Variants in SLC38A5 observed in about 807,000 individuals in gnomAD.
The protein encoded by SLC38A5 is solute carrier family 38 member 5.
Under a neutral mutation model 34.6 loss-of-function variants are expected in SLC38A5, and 9 were observed. The observed-to-expected ratio is 0.26, with a 90% CI of 0.16 to 0.45. The LOEUF is 0.45. Among genes scored for constraint, SLC38A5 ranks in the 20% least tolerant of loss-of-function variants. The pLI, the probability that SLC38A5 is intolerant of heterozygous loss-of-function variation, is 1.00. For synonymous variants in SLC38A5, 157 were observed against 155.6 expected (o/e 1.01, Z -0.07); for missense variants, 253 against 394.7 (o/e 0.64, Z 3.04).
chrX:48,460,917 G>C (rs2061429252), intron 13 of SLC38A5, 69 bp downstream of exon 13: 1 of 1,052,433 alleles, frequency 9.5e-7, no homozygotes, highest in Admixed American at 2.6e-5. Context: ...GGTCACAGAA[G>C]GAAAGAGCTC....
At chrX:48,464,591 T>C (rs146768959) in intron 8 of SLC38A5, among the ~76,000 whole-genome samples, 1,131 of 109,205 alleles carry the variant, frequency 0.01, 13 homozygotes, top group African/African-American at 0.036. Context: ...AGGTCAGGAG[T>C]TCAAGACCAG....
rs782265236 is a variant in SLC38A5, at chrX:48,466,019, C to T, written c.487G>A (p.Glu163Lys). 2 of 1,191,771 alleles carry T rather than the reference C, an allele frequency of 1.7e-6. No individual in the cohort carries two copies. Among genetic ancestry groups the T allele is most frequent in the Admixed American group, 2.3e-5 (1 of 44,400 alleles). Residue 163 changes from glutamate (E) to lysine (K), a missense_variant, in exon 8 of 17, where the codon GAG becomes AAG. Glu to Lys is a moderately conservative substitution (Grantham distance 56). Transcript: ENST00000620913. ...CAAGGGGTGTTGCTCACTCACCCCT[C>T]GGGGTCCATGTACAGGAAGGTGCCG... ...VIGTFLYMDPEGDWFLKGNLL... is the reference protein window; with the variant it reads ...VIGTFLYMDPKGDWFLKGNLL...
chrX:48,462,307 C>T lies in SLC38A5; in HGVS notation c.575-16G>A, dbSNP rs782426882. The T allele has an allele frequency of 5.8e-6, 7 of 1,201,088 alleles. No individual in the cohort carries two copies. In the East Asian group the frequency reaches 2.1e-4, roughly 36 times the overall value. Reference sequence around the variant, plus strand: ...CCCAGGTAGCCTAAGAGGGGCAAAACACAGAGTCTCAGAAATCAGCCAGGC... The same window carrying T: ...CCCAGGTAGCCTAAGAGGGGCAAAATACAGAGTCTCAGAAATCAGCCAGGC... On this transcript the variant is annotated splice_polypyrimidine_tract_variant and intron_variant, in intron 9 of 16. Transcript: ENST00000620913.
At position 48,458,658 on chromosome X, in the gene SLC38A5, G is replaced by GCGT; in HGVS notation, c.*274_*275insACG. 1.3e-6 allele frequency: 1 copy of GCGT among 792,677 alleles called. No homozygotes were observed. Among genetic ancestry groups the GCGT allele is most frequent in the Non-Finnish European group, 1.6e-6 (1 of 634,805 alleles). 65.3% of individuals were successfully genotyped at this position (792,677 alleles called of 1,213,427 possible). On this transcript the variant is annotated 3_prime_UTR_variant, in exon 17 of 17. Coordinates refer to ENST00000620913, the MANE Select transcript of SLC38A5 (RefSeq NM_033518.4). Reference sequence around the variant, plus strand: ...TGGGCAAAGGCTCCACCAGGACCTGGCCTCCTCCTCCTCCTCCTCCTCCTC... The same window carrying GCGT: ...TGGGCAAAGGCTCCACCAGGACCTGGCGTCCTCCTCCTCCTCCTCCTCCTCCTC...
intron 6 of SLC38A5, 91 bp from the exon 7 acceptor site, chrX:48,466,413 T>C: frequency 1.1e-6 from 1 of 927,053 alleles, no homozygotes. Flanking sequence ...GAGTTGGGGC[T>C]TGGGGGAACC....
At chrX:48,460,247 C>A in intron 14 of SLC38A5, among the ~76,000 whole-genome samples, 1 of 110,986 alleles carries the variant, frequency 9.0e-6, no homozygotes, top group East Asian at 2.8e-4. Flanking sequence ...CTACCTCCCT[C>A]CTCTGTCTAA....
chrX:48,468,257 C>T (rs1184235208), intron 2 of SLC38A5: 3 of 920,008 alleles, frequency 3.3e-6, no homozygotes, highest in Admixed American at 5.6e-5. Flanking sequence ...GCAGATGAGC[C>T]GACCACGTGG....
intron 4 of SLC38A5, 32 bp from the exon 5 acceptor site, chrX:48,467,109 T>A (rs782740423): frequency 8.8e-7 from 1 of 1,134,370 alleles, no homozygotes; most frequent in South Asian, 1.9e-5. Context: ...CGGGCACACA[T>A]TGGGACAGGG....
At chrX:48,469,084 C>T in intron 2 of SLC38A5, 1 of 737,892 alleles carries the variant, frequency 1.4e-6, no homozygotes, top group Non-Finnish European at 1.6e-6. Flanking sequence ...GTCCTGAATC[C>T]CGTTCCTGGG....
chrX:48,467,155 A>G (rs2061483612), intron 4 of SLC38A5, 78 bp from the exon 5 acceptor site: 1 of 856,262 alleles, frequency 1.2e-6, no homozygotes, highest in Non-Finnish European at 1.7e-6. Context: ...GGCCAGGGAA[A>G]GACTAGAGAA....
chrX:48,460,841 T>C (rs2061428966), intron 13 of SLC38A5, 77 bp from the exon 14 acceptor site: 2 of 1,045,624 alleles, frequency 1.9e-6, no homozygotes. Context: ...AACCCATACA[T>C]ACATGCACAG....
rs782704198 is a variant in SLC38A5, at chrX:48,466,333, G to A, written c.320-11C>T. The A allele has an allele frequency of 4.6e-5, 55 of 1,186,773 alleles. No individual in the cohort carries two copies. The highest frequency in any genetic ancestry group is 1.1e-4 in the South Asian group (6 of 53,754). On this transcript the variant is annotated splice_polypyrimidine_tract_variant and intron_variant, in intron 6 of 16. Transcript: ENST00000620913. The stretch of plus-strand genomic sequence containing the variant: ...CATAGGCTCGGATGCCTAGCGGGGG[G>A]AGTCAGGAACAGGGTTGAAGGTCCA...
In SLC38A5 at chrX:48,466,210, C is replaced by A; in HGVS notation, c.412+20G>T. The A allele has an allele frequency of 1.7e-6, 2 of 1,189,092 alleles. No individual in the cohort carries two copies. The highest frequency in any genetic ancestry group is 6.1e-5 in the East Asian group (2 of 32,770). ...CCGCCCTCTCCCCCCAAGCTGACCC[C>A]CACCTCCCAGAGTCCTCACCCCCAA... is the stretch of plus-strand genomic sequence containing the variant. On this transcript the variant is annotated intron_variant, in intron 7 of 16. Transcript: ENST00000620913.
chrX:48,461,933 T>C, intron 11 of SLC38A5, 74 bp downstream of exon 11: 1 of 1,124,475 alleles, frequency 8.9e-7, no homozygotes, highest in Non-Finnish European at 1.2e-6. Context: ...AGCTCCACTC[T>C]GAGCAGGATG....
intron 6 of SLC38A5, 35 bp downstream of exon 6, chrX:48,466,764 G>A: frequency 8.6e-7 from 1 of 1,163,574 alleles, no homozygotes; most frequent in African/African-American, 1.8e-5. Flanking sequence ...CCAAAGGGGT[G>A]GAGTGGGGAC....
At chrX:48,459,292 C>G (rs782603388) in intron 16 of SLC38A5, 13 of 433,285 alleles carry the variant, frequency 3.0e-5, no homozygotes, top group Middle Eastern at 6.5e-4. Context: ...CTCTTTCCAT[C>G]TGTCTGGAGA....
rs1012589748 is a variant in SLC38A5, at chrX:48,460,505, C to T, written c.1068+144G>A. The T allele has an allele frequency of 1.3e-5, 7 of 555,911 alleles. No individual in the cohort carries two copies. In the African/African-American group the frequency reaches 1.6e-4, roughly 13 times the overall value. 45.8% of individuals were successfully genotyped at this position (555,911 alleles called of 1,213,427 possible). On this transcript the variant is annotated intron_variant, in intron 14 of 16. Transcript: ENST00000620913. ...ATCGATTTTTGCCATCTCTGTCCAT[C>T]TGAAAACGCTGCCCTTTCCTGTCTG...
intron 10 of SLC38A5, 44 bp downstream of exon 10, chrX:48,462,189 T>C (rs782118834): frequency 4.4e-5 from 53 of 1,209,049 alleles, no homozygotes; most frequent in Non-Finnish European, 5.4e-5. Flanking sequence ...GAGGAAGCTA[T>C]GTCCCAATGT....
In SLC38A5 at chrX:48,458,601, CT is replaced by C. The variant is rs1167328282; in HGVS notation, c.*331del. On this transcript the variant is annotated 3_prime_UTR_variant, in exon 17 of 17. Transcript: ENST00000620913. ...GCCCGAGGGTAATCCTGACAAACAG[CT>C]TCAGCCAGGAGGAGGCAGAGAGGAC... 2.3e-6 allele frequency: 2 copies of C among 871,557 alleles called. No individual in the cohort carries two copies. Among genetic ancestry groups the C allele is most frequent in the African/African-American group, 4.2e-5 (2 of 47,901 alleles). 71.8% of individuals were successfully genotyped at this position (871,557 alleles called of 1,213,427 possible). A position where few individuals can be genotyped will look rare whatever the true frequency, so the allele number is the denominator to read the frequency against.
Sources: gnomAD v4.1 joint callset for allele counts (sites outside exome capture counted in the v4.1 genomes callset) on GRCh38, gnomAD v4.1.1 for gene constraint, MANE v1.5 for transcripts, NCBI Gene and HGNC (gene_info 2026-07-23, HGNC 2026-07-21) for gene names.